Variants in IFT74 observed in about 807,000 individuals in gnomAD.
IFT74 encodes intraflagellar transport protein 74 homolog.
IFT74 carries 92 observed loss-of-function variants against 96.7 expected under a neutral mutation model. The observed-to-expected ratio is 0.95, with a 90% CI of 0.80 to 1.13. The LOEUF (loss-of-function observed/expected upper bound fraction) is 1.13. IFT74 is among the 50% of genes most tolerant of loss of function. The pLI is 0.00. For missense variants in IFT74, 811 were observed against 698.2 expected, an observed-to-expected ratio of 1.16 and a Z score of -1.82; for synonymous variants, 223 against 213.2, an observed-to-expected ratio of 1.05 and a Z score of -0.40.
chr9:26,999,498 C>T, intron 8 of IFT74: 1 of 727,568 alleles, frequency 1.4e-6, no homozygotes, highest in Non-Finnish European at 2.2e-6. Context: ...TAAATAAACT[C>T]TTAATTTTAG....
At chr9:27,023,261 CT>C (rs1829701074) in intron 12 of IFT74, among the ~76,000 whole-genome samples, 1 of 152,156 alleles carries the variant, frequency 6.6e-6, no homozygotes, top group Admixed American at 6.6e-5. Flanking sequence ...ATGCTTTCAA[CT>C]TTCCCCTGTT....
At chr9:27,006,749 A>G (rs73436054) in intron 8 of IFT74, among the ~76,000 whole-genome samples, 1,807 of 148,952 alleles carry the variant, frequency 0.012, 37 homozygotes, top group African/African-American at 0.042. Context: ...GAAAGGAGGT[A>G]GGGAGGGATT....
At chr9:26,981,828 T>C (rs948971467) in intron 4 of IFT74, among the ~76,000 whole-genome samples, 1 of 151,316 alleles carries the variant, frequency 6.6e-6, no homozygotes, top group African/African-American at 2.4e-5. Context: ...AGTGCAGTGG[T>C]GTGATCTCAG....
chr9:26,961,184 A>G (rs1479958938), intron 1 of IFT74, among the ~76,000 whole-genome samples: 1 of 144,630 alleles, frequency 6.9e-6, no homozygotes, highest in Non-Finnish European at 1.5e-5. Flanking sequence ...TCTGCTTCCC[A>G]GGTTCATGCC....
intron 8 of IFT74, 118 bp from the exon 9 acceptor site, chr9:27,008,902 C>T: frequency 1.3e-6 from 1 of 777,644 alleles, no homozygotes; most frequent in Non-Finnish European, 2.0e-6. Context: ...TTTTCAGTCA[C>T]ACACTGTGGT....
At chr9:26,984,211 T>C in intron 4 of IFT74, 46 bp from the exon 5 acceptor site, 1 of 1,466,588 alleles carries the variant, frequency 6.8e-7, no homozygotes, top group Non-Finnish European at 9.2e-7. Context: ...AACTAGAGTT[T>C]TCTGGATTAA....
intron 18 of IFT74, among the ~76,000 whole-genome samples, chr9:27,057,802 A>G (rs781659298): frequency 7.2e-5 from 11 of 151,996 alleles, no homozygotes; most frequent in Non-Finnish European, 1.2e-4. Context: ...AGCTTGCAGT[A>G]AGCTGAGATC....
At chr9:27,057,248 G>A (rs946527712) in intron 18 of IFT74, among the ~76,000 whole-genome samples, 9 of 152,062 alleles carry the variant, frequency 5.9e-5, no homozygotes, top group South Asian at 2.1e-4. Context: ...CATAGGATGC[G>A]TAGATATATA....
chr9:27,005,125 T>C (rs1171790834), intron 8 of IFT74, among the ~76,000 whole-genome samples: 1 of 152,088 alleles, frequency 6.6e-6, no homozygotes, highest in African/African-American at 2.4e-5. Flanking sequence ...TTAACTATTG[T>C]GTAGATTTTT....
intron 12 of IFT74, chr9:27,028,758 G>GAA (rs536025708): frequency 5.6e-4 from 101 of 179,968 alleles, no homozygotes; most frequent in South Asian, 1.3e-3. Context: ...CCGTCTCAAA[G>GAA]AAAAAAAAAA....
intron 9 of IFT74, among the ~76,000 whole-genome samples, chr9:27,010,127 A>G (rs1199636689): frequency 6.6e-6 from 1 of 151,818 alleles, no homozygotes; most frequent in East Asian, 2.0e-4. Context: ...AGTTGGCACT[A>G]CAGGCGCCCG....
At chr9:27,032,642 C>T (rs1054787916) in intron 13 of IFT74, among the ~76,000 whole-genome samples, 3 of 151,672 alleles carry the variant, frequency 2.0e-5, no homozygotes, top group East Asian at 1.9e-4. Flanking sequence ...CTGAGGCAGG[C>T]GGATCATGAG....
At chr9:27,016,194 G>A (rs887359145) in intron 10 of IFT74, among the ~76,000 whole-genome samples, 1 of 152,124 alleles carries the variant, frequency 6.6e-6, no homozygotes, top group African/African-American at 2.4e-5. Flanking sequence ...ATCTTGCTCT[G>A]CTTCTTCCTA....
At chr9:26,969,288 G>T (rs1265827117) in intron 2 of IFT74, among the ~76,000 whole-genome samples, 1 of 151,762 alleles carries the variant, frequency 6.6e-6, no homozygotes, top group Non-Finnish European at 1.5e-5. Flanking sequence ...TAGGATTGTT[G>T]TATCTCTTGC....
At chr9:26,996,216 T>C (rs1049903106) in intron 8 of IFT74, 13 of 806,376 alleles carry the variant, frequency 1.6e-5, no homozygotes, top group Admixed American at 6.9e-5. Context: ...ATCTTTCTTT[T>C]ACATTTTTTA....
intron 13 of IFT74, chr9:27,036,356 T>G: frequency 6.9e-7 from 1 of 1,449,714 alleles, no homozygotes; most frequent in Non-Finnish European, 9.1e-7. Context: ...AATGCCAAAG[T>G]TAGTTTAAAA....
rs567648616 is a variant in IFT74, at chr9:27,062,742, A to G, written c.*6A>G. ...ATAGCACCAGCGGAAACTGAGTTTA[A>G]GTCCACTGAAAGTCTCTAAGGAAGT... On this transcript the variant is annotated 3_prime_UTR_variant, in exon 20 of 20. Coordinates refer to ENST00000380062, the MANE Select transcript of IFT74 (RefSeq NM_025103.4). 9 of 1,447,772 alleles carry G rather than the reference A, an allele frequency of 6.2e-6. No individual in the cohort carries two copies. The South Asian group carries it at 9.5e-5, about 15-fold the overall frequency. 89.7% of individuals were successfully genotyped at this position (1,447,772 alleles called of 1,614,324 possible).
chr9:27,059,688 A>G (rs1337209219), intron 18 of IFT74, among the ~76,000 whole-genome samples: 2 of 152,222 alleles, frequency 1.3e-5, no homozygotes, highest in African/African-American at 4.8e-5. Context: ...TTAATTAGCT[A>G]TGATTCATTC....
intron 2 of IFT74, among the ~76,000 whole-genome samples, chr9:26,963,229 G>A (rs7863886): frequency 0.33 from 49,761 of 150,304 alleles, 9,872 homozygotes; most frequent in East Asian, 0.69. Flanking sequence ...TGTTCTTGCG[G>A]TAGTTTACTG....
Sources: gnomAD v4.1 joint callset for allele counts (sites outside exome capture counted in the v4.1 genomes callset) on GRCh38, gnomAD v4.1.1 for gene constraint, MANE v1.5 for transcripts, NCBI Gene and HGNC (gene_info 2026-07-23, HGNC 2026-07-21) for gene names.